Variants in WWOX observed in about 807,000 individuals in gnomAD.
WWOX encodes WW domain-containing oxidoreductase.
WWOX carries 69 observed loss-of-function variants against 46.2 expected under a neutral mutation model. The ratio of observed to expected loss-of-function variants is 1.49; its 90% CI spans 1.23 to 1.82. WWOX has a LOEUF of 1.82. WWOX is among the 40% of genes most tolerant of loss of function. WWOX has a pLI of 0.00. For missense variants in WWOX, 919 were observed against 542.6 expected (o/e 1.69, Z -6.89); for synonymous variants, 359 against 202.6 (o/e 1.77, Z -6.56).
intron 8 of WWOX, among the ~76,000 whole-genome samples, chr16:78,733,010 C>T (rs8059617): frequency 0.02 from 3,095 of 152,238 alleles, 96 homozygotes; most frequent in African/African-American, 0.071. Flanking sequence ...TTTGTCAGGA[C>T]CCATTCCTTT....
chr16:78,114,858 T>A, intron 3 of WWOX, 118 bp from the exon 4 acceptor site: 2 of 1,323,254 alleles, frequency 1.5e-6, no homozygotes, highest in African/African-American at 1.5e-5. Context: ...TCTTTCAGGT[T>A]TAAGGAATAA....
intron 8 of WWOX, among the ~76,000 whole-genome samples, chr16:78,886,079 C>G (rs1021282240): frequency 6.6e-5 from 10 of 151,860 alleles, no homozygotes; most frequent in Non-Finnish European, 1.5e-4. Flanking sequence ...TGCTCGCCAC[C>G]ACACCAGGCT....
chr16:78,628,885 G>A (rs2046368143), intron 8 of WWOX, among the ~76,000 whole-genome samples: 1 of 152,130 alleles, frequency 6.6e-6, no homozygotes. Flanking sequence ...CATTAGTGAT[G>A]GTCCCAGGCC....
At chr16:79,021,453 A>G (rs2047531619) in intron 8 of WWOX, among the ~76,000 whole-genome samples, 2 of 152,174 alleles carry the variant, frequency 1.3e-5, no homozygotes, top group South Asian at 2.1e-4. Context: ...GAGGAAACCA[A>G]TCATATTAAA....
chr16:78,309,856 G>A (rs1415317577), intron 5 of WWOX, among the ~76,000 whole-genome samples: 1 of 152,152 alleles, frequency 6.6e-6, no homozygotes, highest in Non-Finnish European at 1.5e-5. Context: ...ACCATGACAG[G>A]TTGTTTAATT....
intron 4 of WWOX, among the ~76,000 whole-genome samples, chr16:78,142,692 A>G (rs1168928568): frequency 6.6e-6 from 1 of 152,232 alleles, no homozygotes; most frequent in Non-Finnish European, 1.5e-5. Flanking sequence ...GAAAGATGGA[A>G]TCAATGCTCT....
intron 8 of WWOX, among the ~76,000 whole-genome samples, chr16:79,123,080 A>C (rs2049673212): frequency 6.6e-6 from 1 of 152,122 alleles, no homozygotes; most frequent in South Asian, 2.1e-4. Flanking sequence ...CAAGGGGAAA[A>C]GGTCTGGTCT....
chr16:78,789,432 C>A (rs1597612605), intron 8 of WWOX, among the ~76,000 whole-genome samples: 1 of 152,178 alleles, frequency 6.6e-6, no homozygotes, highest in Admixed American at 6.5e-5. Context: ...ATGGTCTTTG[C>A]ACCCTTATCA....
intron 3 of WWOX, among the ~76,000 whole-genome samples, chr16:78,113,698 C>G (rs1194469977): frequency 6.6e-6 from 1 of 152,100 alleles, no homozygotes; most frequent in Non-Finnish European, 1.5e-5. Flanking sequence ...TTCATGCTGC[C>G]AAGGTGAAGT....
chr16:79,146,303 C>T (rs1032663678), intron 8 of WWOX, among the ~76,000 whole-genome samples: 1 of 152,098 alleles, frequency 6.6e-6, no homozygotes, highest in Non-Finnish European at 1.5e-5. Context: ...TGAAGGTATT[C>T]TCCTACCAGC....
chr16:79,082,792 T>C (rs756827056), intron 8 of WWOX, among the ~76,000 whole-genome samples: 22 of 152,066 alleles, frequency 1.4e-4, no homozygotes, highest in Admixed American at 2.6e-4. Flanking sequence ...GTGATATTTA[T>C]TGAGTATTTT....
chr16:78,945,911 A>G (rs905450697), intron 8 of WWOX, among the ~76,000 whole-genome samples: 2 of 151,982 alleles, frequency 1.3e-5, no homozygotes, highest in African/African-American at 2.4e-5. Flanking sequence ...GACCTTGAAC[A>G]TGTCAGTTCA....
intron 8 of WWOX, among the ~76,000 whole-genome samples, chr16:78,768,980 G>A (rs950675287): frequency 6.6e-6 from 1 of 152,154 alleles, no homozygotes; most frequent in Non-Finnish European, 1.5e-5. Context: ...AGCACCAGAA[G>A]GTGTGGTTCA....
At chr16:78,760,319 C>T (rs1449454838) in intron 8 of WWOX, among the ~76,000 whole-genome samples, 4 of 152,210 alleles carry the variant, frequency 2.6e-5, no homozygotes, top group East Asian at 1.9e-4. Context: ...CCTCCCACAA[C>T]ATGTGGGAAT....
At chr16:78,245,980 C>T (rs908912030) in intron 5 of WWOX, among the ~76,000 whole-genome samples, 3 of 152,320 alleles carry the variant, frequency 2.0e-5, no homozygotes, top group East Asian at 3.9e-4. Context: ...CATTCAAAGA[C>T]TAGGATGCCA....
At chr16:78,947,678 A>T (rs1432007111) in intron 8 of WWOX, among the ~76,000 whole-genome samples, 3 of 152,222 alleles carry the variant, frequency 2.0e-5, no homozygotes, top group Non-Finnish European at 4.4e-5. Context: ...TGTTCAATAA[A>T]GCAATTGCTT....
At position 78,970,323 on chromosome 16, in the gene WWOX, A is replaced by G. The variant is rs1278608830; in HGVS notation, c.1057-241285A>G. On this transcript the variant is annotated intron_variant, in intron 8 of 8. Coordinates refer to ENST00000566780, the MANE Select transcript of WWOX (RefSeq NM_016373.4). ...CCTTCCCCACTACAGTGTAAACTCC[A>G]TTTGGACTTTCTCTAGTTCACTGTG... is the stretch of plus-strand genomic sequence containing the variant. Among the ~76,000 whole-genome samples the G allele has an allele frequency of 2.0e-5, 3 of 152,302 alleles. No individual in the cohort carries two copies. The South Asian group carries it at 6.2e-4, about 32-fold the overall frequency.
chr16:79,180,249 G>C (rs911300732), intron 8 of WWOX, among the ~76,000 whole-genome samples: 3 of 152,174 alleles, frequency 2.0e-5, no homozygotes, highest in African/African-American at 7.2e-5. Flanking sequence ...TTTTCCTTGG[G>C]TCCTTATAAT....
intron 8 of WWOX, chr16:79,106,099 C>CT (rs1364621828): frequency 3.3e-5 from 5 of 152,190 alleles, no homozygotes; most frequent in Non-Finnish European, 7.3e-5. Context: ...TCAGAATCAC[C>CT]TGGGAATTTG....
Sources: allele counts gnomAD v4.1 joint callset (sites outside exome capture counted in the v4.1 genomes callset), GRCh38; gene constraint gnomAD v4.1.1; transcripts MANE v1.5; gene names NCBI Gene and HGNC (gene_info 2026-07-23, HGNC 2026-07-21).